Variants in ARHGAP32 observed in about 807,000 individuals in gnomAD.
ARHGAP32 encodes the protein rho GTPase-activating protein 32.
In ARHGAP32, 51 loss-of-function variants were observed where a neutral mutation model predicts 186.5. That is an observed-to-expected ratio of 0.27 (90% CI 0.22 to 0.35). The LOEUF (loss-of-function observed/expected upper bound fraction) is 0.35. ARHGAP32 is among the 10% of genes least tolerant of loss of function. ARHGAP32 has a pLI of 1.00. For synonymous variants in ARHGAP32, 950 were observed against 964.3 expected (o/e 0.99, Z 0.27); for missense variants, 2,186 against 2,623.5 (o/e 0.83, Z 3.64).
chr11:129,047,177 T>C (rs184156726), intron 10 of ARHGAP32, among the ~76,000 whole-genome samples: 124 of 152,326 alleles, frequency 8.1e-4, no homozygotes, highest in African/African-American at 2.8e-3. Flanking sequence ...ATTTAATTTA[T>C]GGCTAGCGAA....
chr11:129,222,187 T>A (rs60822630), intron 1 of ARHGAP32, among the ~76,000 whole-genome samples: 19,047 of 152,120 alleles, frequency 0.13, 1,345 homozygotes, highest in Non-Finnish European at 0.15. Flanking sequence ...TATTCCCTCA[T>A]CAAGAAGAAA....
At chr11:128,983,643 T>TA (rs977942003) in intron 15 of ARHGAP32, among the ~76,000 whole-genome samples, 1 of 143,830 alleles carries the variant, frequency 7.0e-6, no homozygotes, top group Non-Finnish European at 1.5e-5. Context: ...TAAAGTATAA[T>TA]AAAAAAATAA....
intron 6 of ARHGAP32, among the ~76,000 whole-genome samples, chr11:129,076,081 T>C (rs1368523740): frequency 6.6e-6 from 1 of 152,194 alleles, no homozygotes; most frequent in Non-Finnish European, 1.5e-5. Flanking sequence ...TATAATGTAC[T>C]AGCACGCTAA....
At chr11:129,178,911 A>G (rs1437383829) in intron 1 of ARHGAP32, among the ~76,000 whole-genome samples, 1 of 152,174 alleles carries the variant, frequency 6.6e-6, no homozygotes, top group Non-Finnish European at 1.5e-5. Context: ...AAACACCAAA[A>G]GCAATGCCAA....
intron 5 of ARHGAP32, among the ~76,000 whole-genome samples, chr11:129,104,605 A>G (rs1006429671): frequency 1.3e-5 from 2 of 151,992 alleles, no homozygotes; most frequent in Non-Finnish European, 2.9e-5. Context: ...TAATCTCTCT[A>G]GGAAGAAATG....
intron 2 of ARHGAP32, among the ~76,000 whole-genome samples, chr11:129,154,541 T>C (rs1299765989): frequency 2.0e-5 from 3 of 152,100 alleles, no homozygotes; most frequent in African/African-American, 7.2e-5. Context: ...TACAGAATAC[T>C]ACTCAGCCAC....
chr11:129,103,270 T>A (rs894173974), intron 5 of ARHGAP32, among the ~76,000 whole-genome samples: 3 of 152,098 alleles, frequency 2.0e-5, no homozygotes, highest in African/African-American at 7.2e-5. Context: ...TGATTTTTTG[T>A]ATCAGATTTT....
intron 1 of ARHGAP32, among the ~76,000 whole-genome samples, chr11:129,235,937 ACACT>A (rs1165731719): frequency 6.7e-5 from 9 of 134,252 alleles, no homozygotes; most frequent in East Asian, 2.2e-4. Context: ...ACACACACAC[ACACT>A]CACACACATT....
chr11:129,246,585 T>C (rs1945100145), intron 1 of ARHGAP32, among the ~76,000 whole-genome samples: 2 of 152,134 alleles, frequency 1.3e-5, no homozygotes, highest in Non-Finnish European at 2.9e-5. Flanking sequence ...TATAAATCAC[T>C]AGTCAAAGAA....
chr11:129,230,117 T>C (rs572560662), intron 1 of ARHGAP32, among the ~76,000 whole-genome samples: 38 of 152,260 alleles, frequency 2.5e-4, no homozygotes, highest in African/African-American at 8.7e-4. Context: ...GCAGCCTTAA[T>C]ATATTTTTAA....
At chr11:129,169,374 G>A (rs1329845423) in intron 1 of ARHGAP32, among the ~76,000 whole-genome samples, 2 of 152,090 alleles carry the variant, frequency 1.3e-5, no homozygotes, top group Non-Finnish European at 2.9e-5. Context: ...GCTCAAGGCT[G>A]TAATCCCAGC....
intron 2 of ARHGAP32, among the ~76,000 whole-genome samples, chr11:129,135,561 A>G (rs942263586): frequency 4.6e-5 from 7 of 152,164 alleles, no homozygotes; most frequent in Non-Finnish European, 1.0e-4. Context: ...AGGTCAGGAG[A>G]TCGAGACCAT....
At chr11:129,074,295 A>G (rs1177641945) in intron 6 of ARHGAP32, among the ~76,000 whole-genome samples, 1 of 152,102 alleles carries the variant, frequency 6.6e-6, no homozygotes, top group East Asian at 1.9e-4. Context: ...GTATGGAGGT[A>G]TGTGTATATG....
At chr11:129,233,754 G>GA (rs1300666124) in intron 1 of ARHGAP32, among the ~76,000 whole-genome samples, 3 of 151,600 alleles carry the variant, frequency 2.0e-5, no homozygotes, top group Admixed American at 2.0e-4. Context: ...GAATAAATGA[G>GA]AAAAAAAGCC....
At chr11:129,048,010 C>A (rs540732632) in intron 10 of ARHGAP32, among the ~76,000 whole-genome samples, 2 of 152,252 alleles carry the variant, frequency 1.3e-5, no homozygotes, top group African/African-American at 4.8e-5. Context: ...AGCTCTGGTT[C>A]CATTTACTTA....
chr11:128,972,625 C>A lies in ARHGAP32; in HGVS notation c.3881G>T (p.Trp1294Leu), dbSNP rs772880040. The change falls in exon 22 of 23, where the codon TGG becomes TTG. Residue 1294 changes from tryptophan to leucine, a missense_variant. This residue lies in a region of ARHGAP32 where 1,502 missense variants were observed against 1,570.0 expected (regional missense o/e 0.96). Transcript: ENST00000682385. Reference protein sequence around the residue: ...TAQMSTKEASWDVAEQPTTAD... With the variant: ...TAQMSTKEASLDVAEQPTTAD... ...AGTGGTGGGTTGTTCAGCCACATCC[C>A]AGCTGGCTTCCTTGGTGCTCATTTG... 6.2e-6 allele frequency: 10 copies of A among 1,611,674 alleles called. No individual in the cohort carries two copies. In the South Asian group the frequency reaches 9.9e-5, roughly 16 times the overall value.
intron 18 of ARHGAP32, 28 bp downstream of exon 18, chr11:128,980,525 T>A (rs1254852153): frequency 1.3e-6 from 2 of 1,553,720 alleles, no homozygotes; most frequent in Middle Eastern, 1.7e-4. Flanking sequence ...GAAAATCATA[T>A]CCCAAAATAG....
upstream of ARHGAP32, among the ~76,000 whole-genome samples, chr11:129,193,659 ATATATAT>A (rs1419203177): frequency 1.3e-3 from 81 of 61,510 alleles, 2 homozygotes; most frequent in African/African-American, 4.9e-3. Flanking sequence ...TACATATACA[ATATATAT>A]TATATATAAT....
At chr11:129,112,242 A>C (rs1942241494) in intron 5 of ARHGAP32, among the ~76,000 whole-genome samples, 1 of 151,988 alleles carries the variant, frequency 6.6e-6, no homozygotes, top group African/African-American at 2.4e-5. Context: ...GACTCAAAAA[A>C]AAAAAAAATT....
Sources: gnomAD v4.1 joint callset for allele counts (sites outside exome capture counted in the v4.1 genomes callset) on GRCh38, gnomAD v4.1.1 for gene constraint, gnomAD v4.1.1 regional missense constraint, MANE v1.5 for transcripts, NCBI Gene and HGNC (gene_info 2026-07-23, HGNC 2026-07-21) for gene names.